Variants in CACNA2D1 observed in about 807,000 individuals in gnomAD.
CACNA2D1 encodes calcium voltage-gated channel auxiliary subunit alpha2delta 1.
CACNA2D1 carries 53 observed loss-of-function variants against 171.5 expected under a neutral mutation model. The ratio of observed to expected loss-of-function variants is 0.31; its 90% CI spans 0.25 to 0.39. The LOEUF is 0.39. CACNA2D1 is among the 10% of genes least tolerant of loss of function. The pLI is 1.00. For synonymous variants in CACNA2D1, 442 were observed against 443.1 expected (o/e 1.00, Z 0.03); for missense variants, 903 against 1,299.8 (o/e 0.69, Z 4.69).
intron 1 of CACNA2D1, among the ~76,000 whole-genome samples, chr7:82,397,195 T>A (rs2129451321): frequency 6.6e-6 from 1 of 152,276 alleles, no homozygotes; most frequent in Non-Finnish European, 1.5e-5. Flanking sequence ...TCATCAGTAC[T>A]TGGTCTTTCT....
rs1563073589 is a variant in CACNA2D1, at chr7:82,117,122, T to C, written c.448A>G (p.Ile150Val). Residue 150 changes from isoleucine (I) to valine (V), a missense_variant, in exon 6 of 39, where the codon ATT becomes GTT. This residue lies in a region of CACNA2D1 where 189 missense variants were observed against 266.8 expected (regional missense o/e 0.71). Transcript: ENST00000356860. ...PGSQRIKPVF[I>V]EDANFGRQIS... ...TGTCGTCCAAAATTAGCATCTTCAA[T>C]GAAAACAGGTTTTATCCTCTGGCTG... 6.2e-7 allele frequency: 1 copy of C among 1,613,900 alleles called. No individual in the cohort carries two copies. Among genetic ancestry groups the C allele is most frequent in the Middle Eastern group, 1.7e-4 (1 of 6,060 alleles).
chr7:82,360,888 C>T (rs1821010431), intron 1 of CACNA2D1, among the ~76,000 whole-genome samples: 1 of 152,090 alleles, frequency 6.6e-6, no homozygotes, highest in African/African-American at 2.4e-5. Context: ...AATATATTAA[C>T]TTGCAAATTA....
intron 9 of CACNA2D1, among the ~76,000 whole-genome samples, chr7:82,063,016 G>T (rs1369472413): frequency 1.3e-5 from 2 of 152,042 alleles, no homozygotes; most frequent in Non-Finnish European, 2.9e-5. Flanking sequence ...CAAGTGATGG[G>T]ATCACAGGTG....
chr7:82,347,761 C>T (rs1438421351), intron 2 of CACNA2D1, among the ~76,000 whole-genome samples: 1 of 151,970 alleles, frequency 6.6e-6, no homozygotes, highest in Non-Finnish European at 1.5e-5. Context: ...TTTCTGTGAC[C>T]GTAATGAGGT....
In CACNA2D1 at chr7:82,213,720, G is replaced by A. The variant is rs935059063; in HGVS notation, c.295-43111C>T. On this transcript the variant is annotated intron_variant, in intron 3 of 38. Transcript: ENST00000356860. ...CTGTCCTCATCTTTTGTCAATCTCTGCTGGCACCTGGCTGACTTGTCACGC... is the reference window on the plus strand; with the variant it reads ...CTGTCCTCATCTTTTGTCAATCTCTACTGGCACCTGGCTGACTTGTCACGC... Among the ~76,000 whole-genome samples the A allele has an allele frequency of 5.3e-5, 8 of 152,060 alleles. No individual in the cohort carries two copies. The East Asian group carries it at 1.5e-3, about 29-fold the overall frequency.
At chr7:82,191,260 C>T (rs1798265167) in intron 3 of CACNA2D1, among the ~76,000 whole-genome samples, 1 of 151,758 alleles carries the variant, frequency 6.6e-6, no homozygotes, top group African/African-American at 2.4e-5. Flanking sequence ...ACTTAAGTTA[C>T]ATCTTTGCAT....
At chr7:82,338,347 T>C (rs1818242146) in intron 2 of CACNA2D1, among the ~76,000 whole-genome samples, 1 of 151,984 alleles carries the variant, frequency 6.6e-6, no homozygotes. Flanking sequence ...AAAAAAAAGT[T>C]TTTTAGAGAC....
intron 21 of CACNA2D1, among the ~76,000 whole-genome samples, chr7:81,990,729 C>T (rs1025719903): frequency 6.6e-6 from 1 of 152,042 alleles, no homozygotes; most frequent in African/African-American, 2.4e-5. Context: ...TCCAACTTTC[C>T]GAAGCCCAGC....
intron 1 of CACNA2D1, among the ~76,000 whole-genome samples, chr7:82,356,658 T>G (rs1305363799): frequency 6.6e-6 from 1 of 152,022 alleles, no homozygotes; most frequent in Non-Finnish European, 1.5e-5. Context: ...GCACTACCAT[T>G]TTTTTAAAAA....
chr7:82,317,796 T>G (rs1815299621), intron 3 of CACNA2D1, among the ~76,000 whole-genome samples: 1 of 152,124 alleles, frequency 6.6e-6, no homozygotes. Flanking sequence ...CTCCAAAAGA[T>G]AGCTTCATTT....
intron 2 of CACNA2D1, among the ~76,000 whole-genome samples, chr7:82,349,025 T>A (rs1195402522): frequency 3.9e-5 from 6 of 152,168 alleles, no homozygotes; most frequent in African/African-American, 1.2e-4. Context: ...AGCTAATTCA[T>A]AAGTCACAAG....
intron 3 of CACNA2D1, among the ~76,000 whole-genome samples, chr7:82,312,388 G>C (rs186861497): frequency 2.7e-4 from 41 of 151,882 alleles, no homozygotes; most frequent in Non-Finnish European, 5.6e-4. Flanking sequence ...TTGTGCTTTT[G>C]TTAAAGCCCT....
chr7:82,433,959 T>G (rs1161058755), intron 1 of CACNA2D1, among the ~76,000 whole-genome samples: 1 of 152,220 alleles, frequency 6.6e-6, no homozygotes, highest in Non-Finnish European at 1.5e-5. Flanking sequence ...ACATTCAGAC[T>G]GTCAACACAT....
At position 82,204,430 on chromosome 7, in the gene CACNA2D1, G is replaced by A. The variant is rs151295941; in HGVS notation, c.295-33821C>T. Reference sequence around the variant, plus strand: ...TCTCCAACCAGGTATGCGGATGAACGGTAACCTGTTGCTGCCTGCCCCAAC... The same window carrying A: ...TCTCCAACCAGGTATGCGGATGAACAGTAACCTGTTGCTGCCTGCCCCAAC... On this transcript the variant is annotated intron_variant, in intron 3 of 38. Transcript: ENST00000356860. Among the ~76,000 whole-genome samples the A allele has an allele frequency of 3.9e-5, 6 of 152,250 alleles. No individual in the cohort carries two copies. The East Asian group carries it at 7.7e-4, about 20-fold the overall frequency.
intron 10 of CACNA2D1, among the ~76,000 whole-genome samples, chr7:82,043,842 C>T (rs1477291427): frequency 6.6e-6 from 1 of 152,074 alleles, no homozygotes; most frequent in South Asian, 2.1e-4. Flanking sequence ...CGGGAAGTGC[C>T]CTTTGTCTGG....
chr7:81,997,681 G>A (rs1269033564), intron 18 of CACNA2D1, among the ~76,000 whole-genome samples: 1 of 150,454 alleles, frequency 6.6e-6, no homozygotes, highest in East Asian at 1.9e-4. Flanking sequence ...AAAAAAAAGT[G>A]TATGAGAAAA....
rs1390028702 is a variant in CACNA2D1, at chr7:82,118,674, C to T, written c.397-1501G>A. 2.0e-5 allele frequency among the ~76,000 whole-genome samples: 3 copies of T among 152,188 alleles called. No homozygotes were observed. In the East Asian group the frequency reaches 5.8e-4, roughly 29 times the overall value. On this transcript the variant is annotated intron_variant, in intron 5 of 38. Transcript: ENST00000356860. ...CTTCTGTTTCCTCTGAATCCTCTCA[C>T]ACTTAACAATTAGCAGTTTTAAATT... is the stretch of plus-strand genomic sequence containing the variant.
intron 3 of CACNA2D1, among the ~76,000 whole-genome samples, chr7:82,178,805 G>C (rs989365959): frequency 7.2e-5 from 11 of 151,792 alleles, no homozygotes; most frequent in Non-Finnish European, 1.6e-4. Context: ...TACTCAATTC[G>C]CCCTCCCTCT....
intron 5 of CACNA2D1, among the ~76,000 whole-genome samples, chr7:82,129,369 T>A (rs1790695784): frequency 6.6e-6 from 1 of 152,234 alleles, no homozygotes; most frequent in Non-Finnish European, 1.5e-5. Context: ...GTGCTTTGAC[T>A]TGATCTCTGG....
Sources: allele counts gnomAD v4.1 joint callset (sites outside exome capture counted in the v4.1 genomes callset), GRCh38; gene constraint gnomAD v4.1.1; regional missense constraint gnomAD v4.1.1; transcripts MANE v1.5; gene names NCBI Gene and HGNC (gene_info 2026-07-23, HGNC 2026-07-21).